TRMT2B: variants seen among roughly 807,000 people sequenced by gnomAD.
TRMT2B encodes tRNA methyltransferase 2B.
In TRMT2B, 34 loss-of-function variants were observed where a neutral mutation model predicts 39.7. The ratio of observed to expected loss-of-function variants is 0.86; its 90% CI spans 0.65 to 1.14. The LOEUF (loss-of-function observed/expected upper bound fraction) is 1.14, where lower values mean the gene tolerates loss of function less well. TRMT2B is among the 50% of genes most tolerant of loss of function. The pLI is 0.00. For missense variants in TRMT2B, 318 were observed against 377.2 expected, an observed-to-expected ratio of 0.84 and a Z score of 1.30; for synonymous variants, 132 against 137.3, an observed-to-expected ratio of 0.96 and a Z score of 0.27.
intron 9 of TRMT2B, 100 bp from the exon 10 acceptor site, chrX:101,021,415 G>A (rs775563271): frequency 2.8e-6 from 2 of 718,067 alleles, no homozygotes; most frequent in Admixed American, 6.4e-5. Context: ...GATCACCTAA[G>A]GTCAGGAGTT....
chrX:100,989,683 T>C, the TRMT2B span, among the ~76,000 whole-genome samples: 3 of 111,994 alleles, frequency 2.7e-5, no homozygotes, highest in African/African-American at 9.7e-5. Flanking sequence ...AAATAAGCTA[T>C]GAGGGCTTAA....
At chrX:100,979,429 G>T in the TRMT2B span, among the ~76,000 whole-genome samples, 4 of 111,414 alleles carry the variant, frequency 3.6e-5, no homozygotes, top group African/African-American at 1.3e-4. Context: ...TTTTTTCCTT[G>T]ATATACTTTA....
chrX:100,990,595 CAAG>C, the TRMT2B span: 7 of 1,155,081 alleles, frequency 6.1e-6, no homozygotes, highest in South Asian at 1.2e-4. Flanking sequence ...CTGAGAGGCT[CAAG>C]AAGAGTGAGA....
At chrX:101,037,873 T>C (rs1324744144) in intron 5 of TRMT2B, 44 bp downstream of exon 5, 1 of 1,177,364 alleles carries the variant, frequency 8.5e-7, no homozygotes, top group East Asian at 3.0e-5. Context: ...GTTATTAGCA[T>C]TAAGGGGCCT....
the TRMT2B span, among the ~76,000 whole-genome samples, chrX:101,000,987 C>T: frequency 1.4e-4 from 16 of 111,066 alleles, no homozygotes; most frequent in African/African-American, 4.9e-4. Flanking sequence ...AATTAGATTG[C>T]CCTAGCCCCA....
chrX:100,977,494 C>A, the TRMT2B span, among the ~76,000 whole-genome samples: 1 of 108,507 alleles, frequency 9.2e-6, no homozygotes, highest in South Asian at 4.1e-4. Context: ...AATTCTCCTA[C>A]CTCAGCCTCC....
the TRMT2B span, among the ~76,000 whole-genome samples, chrX:100,998,289 C>T: frequency 9.7e-6 from 1 of 102,881 alleles, no homozygotes; most frequent in South Asian, 4.4e-4. Context: ...AGAAAACTTA[C>T]AGGAAACAAA....
chrX:100,996,187 T>A, the TRMT2B span, among the ~76,000 whole-genome samples: 1 of 111,867 alleles, frequency 8.9e-6, no homozygotes. Context: ...ACAAATATCG[T>A]ATGTTCTCAC....
At chrX:101,049,486 CCAAA>C (rs2088910399) in intron 2 of TRMT2B, among the ~76,000 whole-genome samples, 1 of 43,028 alleles carries the variant, frequency 2.3e-5, no homozygotes, top group Admixed American at 3.0e-4. Context: ...GACCCTGTCT[CCAAA>C]AAAAAAAAAA....
At chrX:100,986,851 T>C in the TRMT2B span, 1 of 1,206,289 alleles carries the variant, frequency 8.3e-7, no homozygotes, top group Admixed American at 2.2e-5. Flanking sequence ...TATTATTGAC[T>C]ATCTACTTCT....
the TRMT2B span, chrX:100,988,603 T>G: frequency 1.0e-4 from 84 of 841,856 alleles, no homozygotes; most frequent in African/African-American, 1.3e-4. Context: ...ACATAGGCCT[T>G]CCCTAACAAT....
At chrX:101,002,258 A>G in the TRMT2B span, among the ~76,000 whole-genome samples, 4 of 111,699 alleles carry the variant, frequency 3.6e-5, no homozygotes, top group Non-Finnish European at 7.5e-5. Flanking sequence ...TATCGCATTC[A>G]GGTGCATCTG....
chrX:100,973,549 A>G, the TRMT2B span: 1 of 929,394 alleles, frequency 1.1e-6, no homozygotes, highest in Admixed American at 2.9e-5. Context: ...GGATAGAATG[A>G]AGTAATAGAC....
Position 101,037,776 on chromosome X carries a change from A to C in TRMT2B, c.438+141T>G, listed in dbSNP as rs991850542. 4.7e-6 allele frequency: 3 copies of C among 636,761 alleles called. No homozygotes were observed. The East Asian group carries it at 1.0e-4, about 22-fold the overall frequency. The allele number at this position is 636,761 out of a possible 1,213,427, so 52.5% of individuals were successfully genotyped here. Reference sequence around the variant, plus strand: ...ATAGTATCTACCCCTCCAGGTTATTATAAACAGTAAAATGTGACAATGATG... The same window carrying C: ...ATAGTATCTACCCCTCCAGGTTATTCTAAACAGTAAAATGTGACAATGATG... On this transcript the variant is annotated intron_variant, in intron 5 of 13. Transcript: ENST00000372936.
chrX:101,028,925 T>C (rs2087280211), intron 7 of TRMT2B, among the ~76,000 whole-genome samples: 1 of 111,547 alleles, frequency 9.0e-6, no homozygotes, highest in Non-Finnish European at 1.9e-5. Flanking sequence ...TGTGCTTGCT[T>C]CACCCTCCAC....
intron 9 of TRMT2B, among the ~76,000 whole-genome samples, 173 bp from the exon 10 acceptor site, chrX:101,021,488 G>C (rs1804913977): frequency 9.0e-6 from 1 of 111,521 alleles, no homozygotes; most frequent in Non-Finnish European, 1.9e-5. Context: ...AATTAGCCAG[G>C]TGTGGTGGCA....
Position 101,010,428 on chromosome X carries a change from A to G in TRMT2B, c.*153T>C. 1 of 660,415 alleles carries G rather than the reference A, an allele frequency of 1.5e-6. No homozygotes were observed. The highest frequency in any genetic ancestry group is 2.3e-6 in the Non-Finnish European group (1 of 435,087). The allele number at this position is 660,415 out of a possible 1,213,427, so 54.4% of individuals were successfully genotyped here. On this transcript the variant is annotated 3_prime_UTR_variant, in exon 14 of 14. Transcript: ENST00000372936. Reference sequence around the variant, plus strand: ...CTATCTCAAAAAAAAAATCTGCCTCAGACCAGAGGCCTAATAGATTCTTCC... The same window carrying G: ...CTATCTCAAAAAAAAAATCTGCCTCGGACCAGAGGCCTAATAGATTCTTCC...
At chrX:100,987,853 T>C in the TRMT2B span, among the ~76,000 whole-genome samples, 4 of 111,642 alleles carry the variant, frequency 3.6e-5, no homozygotes, top group Non-Finnish European at 5.6e-5. Context: ...TGATTTGCCA[T>C]GTGGAGGAGA....
At chrX:100,998,121 G>A in the TRMT2B span, among the ~76,000 whole-genome samples, 311 of 109,365 alleles carry the variant, frequency 2.8e-3, no homozygotes, top group African/African-American at 9.6e-3. Flanking sequence ...TTAGCCGGGC[G>A]TGGTGGTACA....
Sources: gnomAD v4.1 joint callset for allele counts (sites outside exome capture counted in the v4.1 genomes callset) on GRCh38, gnomAD v4.1.1 for gene constraint, MANE v1.5 for transcripts, NCBI Gene and HGNC (gene_info 2026-07-23, HGNC 2026-07-21) for gene names.